Variants in MASP1 observed in about 807,000 individuals in gnomAD.
MASP1 encodes mannan-binding lectin serine protease 1.
Under a neutral mutation model 77.1 loss-of-function variants are expected in MASP1, and 59 were observed. That is an observed-to-expected ratio of 0.77 (90% CI 0.62 to 0.95). MASP1 has a LOEUF of 0.95. Among genes scored for constraint, MASP1 ranks in the 40% least tolerant of loss-of-function variants. The probability of loss-of-function intolerance (pLI) is 0.00; values close to 1 mark genes in which losing one functional copy is unlikely to be tolerated. For missense variants in MASP1, 885 were observed against 912.9 expected (o/e 0.97, Z 0.39); for synonymous variants, 362 against 354.5 (o/e 1.02, Z -0.24).
At chr3:187,229,485 T>A (rs1178467765), downstream of MASP1, among the ~76,000 whole-genome samples, 1 of 152,046 alleles carries the variant, frequency 6.6e-6, no homozygotes, top group African/African-American at 2.4e-5. Flanking sequence ...TTCCCAAGGG[T>A]GAGTTTCCTG....
At chr3:187,262,085 G>A (rs1715625474) in intron 3 of MASP1, among the ~76,000 whole-genome samples, 2 of 152,190 alleles carry the variant, frequency 1.3e-5, no homozygotes, top group South Asian at 4.1e-4. Flanking sequence ...TGGGAGCAGA[G>A]ATTGACTGGC....
intron 6 of MASP1, 89 bp downstream of exon 6, chr3:187,253,079 A>G (rs555343475): frequency 6.4e-7 from 1 of 1,562,968 alleles, no homozygotes; most frequent in Non-Finnish European, 8.8e-7. Context: ...TCCAGAGGAG[A>G]TCCAAGCCTG....
chr3:187,242,957 TG>T (rs894600896), intron 9 of MASP1: 18 of 194,876 alleles, frequency 9.2e-5, no homozygotes, highest in African/African-American at 4.0e-4. Flanking sequence ...CCTGGACCCC[TG>T]TCCGTACCAG....
chr3:187,220,560 C>T (rs1314091244), intron 15 of MASP1, among the ~76,000 whole-genome samples: 1 of 145,086 alleles, frequency 6.9e-6, no homozygotes, highest in East Asian at 2.1e-4. Flanking sequence ...TGCAGTGGCA[C>T]GATCTCGGCT....
At chr3:187,258,090 A>G (rs956182196) in intron 4 of MASP1, among the ~76,000 whole-genome samples, 3 of 152,218 alleles carry the variant, frequency 2.0e-5, no homozygotes, top group African/African-American at 7.2e-5. Context: ...AGCATAAACT[A>G]TGTTCTAACG....
chr3:187,225,039 C>A (rs945118717), intron 13 of MASP1, among the ~76,000 whole-genome samples: 3 of 152,210 alleles, frequency 2.0e-5, no homozygotes, highest in African/African-American at 7.2e-5. Context: ...TTCCCTCTTA[C>A]TTCTCCAATC....
At chr3:187,277,102 G>C (rs907793269) in intron 2 of MASP1, among the ~76,000 whole-genome samples, 3 of 152,174 alleles carry the variant, frequency 2.0e-5, no homozygotes, top group Admixed American at 6.5e-5. Flanking sequence ...GAAGGGTTTG[G>C]AGAGGCCAGC....
intron 5 of MASP1, among the ~76,000 whole-genome samples, chr3:187,253,718 C>T (rs1299717385): frequency 1.3e-5 from 2 of 152,126 alleles, no homozygotes; most frequent in Non-Finnish European, 1.5e-5. Context: ...AGTCATCATT[C>T]TCAGCAAACT....
intron 14 of MASP1, among the ~76,000 whole-genome samples, chr3:187,222,393 C>T (rs747337292): frequency 2.5e-4 from 38 of 152,234 alleles, no homozygotes; most frequent in African/African-American, 7.9e-4. Context: ...ACCAAATAGA[C>T]CCCCGGGAGT....
chr3:187,268,183 G>C (rs1032934464), intron 2 of MASP1, among the ~76,000 whole-genome samples: 1 of 152,168 alleles, frequency 6.6e-6, no homozygotes, highest in Non-Finnish European at 1.5e-5. Context: ...TTAGAAGGTA[G>C]AAAAATGTAT....
chr3:187,251,378 T>C, intron 7 of MASP1: 1 of 480,548 alleles, frequency 2.1e-6, no homozygotes, highest in Non-Finnish European at 3.8e-6. Context: ...TATGGATCCA[T>C]ATTTTAAAAA....
intron 2 of MASP1, among the ~76,000 whole-genome samples, chr3:187,266,730 G>A (rs710469): frequency 0.48 from 72,507 of 151,976 alleles, 17,632 homozygotes; most frequent in Admixed American, 0.57. Flanking sequence ...ATCTGATAAG[G>A]AGAAGCCAAG....
At chr3:187,279,989 G>A (rs1472747301) in intron 2 of MASP1, among the ~76,000 whole-genome samples, 1 of 152,198 alleles carries the variant, frequency 6.6e-6, no homozygotes, top group Non-Finnish European at 1.5e-5. Context: ...TGCAGACCCA[G>A]TCTTTGGCAT....
chr3:187,272,872 G>T (rs939743519), intron 2 of MASP1, among the ~76,000 whole-genome samples: 1 of 152,116 alleles, frequency 6.6e-6, no homozygotes, highest in East Asian at 1.9e-4. Context: ...TATTACAGAA[G>T]TCCTAGGAAA....
intron 11 of MASP1, among the ~76,000 whole-genome samples, chr3:187,228,285 CA>C (rs57929155): frequency 0.12 from 12,582 of 101,804 alleles, 759 homozygotes; most frequent in African/African-American, 0.27. Flanking sequence ...GACTCCGTCT[CA>C]AAAAAAAAAA....
At chr3:187,222,957 C>A (rs1387442455) in intron 14 of MASP1, among the ~76,000 whole-genome samples, 2 of 152,144 alleles carry the variant, frequency 1.3e-5, no homozygotes, top group Non-Finnish European at 1.5e-5. Flanking sequence ...ACAAATCAAG[C>A]TTTCTGGGGT....
chr3:187,254,905 C>G (rs1714944128), intron 5 of MASP1, among the ~76,000 whole-genome samples: 1 of 152,028 alleles, frequency 6.6e-6, no homozygotes, highest in Non-Finnish European at 1.5e-5. Context: ...TATCTTTGTC[C>G]TGTCCTTATT....
At chr3:187,291,225 C>G (rs1170274643) in intron 1 of MASP1, 1 of 321,888 alleles carries the variant, frequency 3.1e-6, no homozygotes, top group Non-Finnish European at 6.1e-6. Context: ...AATGAACACA[C>G]AAACACATAT....
chr3:187,279,201 T>C (rs1717211835), intron 2 of MASP1, among the ~76,000 whole-genome samples: 1 of 152,252 alleles, frequency 6.6e-6, no homozygotes, highest in South Asian at 2.1e-4. Context: ...CTACTTTTGA[T>C]AGAGACACTG....
Sources: gnomAD v4.1 joint callset for allele counts (sites outside exome capture counted in the v4.1 genomes callset) on GRCh38, gnomAD v4.1.1 for gene constraint, MANE v1.5 for transcripts, NCBI Gene and HGNC (gene_info 2026-07-23, HGNC 2026-07-21) for gene names.